STAT4: variants seen among roughly 807,000 people sequenced by gnomAD.
STAT4 encodes signal transducer and activator of transcription 4.
A neutral mutation model predicts 110.5 loss-of-function variants in STAT4; 42 were observed. The observed-to-expected ratio is 0.38, with a 90% CI of 0.30 to 0.49. The LOEUF is 0.49. Among genes scored for constraint, STAT4 ranks in the 20% least tolerant of loss-of-function variants. STAT4 has a pLI of 0.95. For missense variants in STAT4, 632 were observed against 887.9 expected, an observed-to-expected ratio of 0.71 and a Z score of 3.66; for synonymous variants, 284 against 302.2, an observed-to-expected ratio of 0.94 and a Z score of 0.63.
In STAT4 at chr2:191,135,669, T is replaced by G. The variant is rs1049321580; in HGVS notation, c.273+10944A>C. Among the ~76,000 whole-genome samples the G allele has an allele frequency of 2.0e-5, 3 of 152,166 alleles. No individual in the cohort carries two copies. The highest frequency in any genetic ancestry group is 6.5e-5 in the Admixed American group (1 of 15,274). ...TTTTAGTAGAGACAGGGTTTCACCA[T>G]GTTGGCTGCACTGGTCTCAAACTCC... is the stretch of plus-strand genomic sequence containing the variant. On this transcript the variant is annotated intron_variant, in intron 3 of 23. Transcript: ENST00000392320. The surrounding 1 kb of genome is among the most constrained non-coding windows in gnomAD (Gnocchi z 4.8).
Position 191,106,454 on chromosome 2 carries a change from G to T in STAT4, c.274-30129C>A, listed in dbSNP as rs891543681. On this transcript the variant is annotated intron_variant, in intron 3 of 23. Transcript: ENST00000392320. Reference sequence around the variant, plus strand: ...GTGAGTAGATCACCTGAGGTCAGGAGTTCGAGTCTGGCCAACATGGTGAAA... The same window carrying T: ...GTGAGTAGATCACCTGAGGTCAGGATTTCGAGTCTGGCCAACATGGTGAAA... Among the ~76,000 whole-genome samples the T allele has an allele frequency of 4.6e-5, 7 of 151,884 alleles. No individual in the cohort carries two copies. The South Asian group carries it at 1.5e-3, about 31-fold the overall frequency.
At chr2:191,149,707 T>C (rs1326165105) in intron 1 of STAT4, among the ~76,000 whole-genome samples, 2 of 152,254 alleles carry the variant, frequency 1.3e-5, no homozygotes, top group Admixed American at 6.5e-5. Flanking sequence ...TTCCATCGGA[T>C]GTGTATATAT....
intron 3 of STAT4, among the ~76,000 whole-genome samples, chr2:191,105,597 T>C (rs959348318): frequency 2.6e-5 from 4 of 152,116 alleles, no homozygotes; most frequent in African/African-American, 9.7e-5. Flanking sequence ...AGTAGAAAAA[T>C]AAAAAGCCAG....
At position 191,053,966 on chromosome 2, in the gene STAT4, A is replaced by T. The variant is rs1696601019; in HGVS notation, c.1251+524T>A. Among the ~76,000 whole-genome samples, 2 of 152,122 alleles carry T rather than the reference A, an allele frequency of 1.3e-5. No individual in the cohort carries two copies. The highest frequency in any genetic ancestry group is 6.5e-5 in the Admixed American group (1 of 15,274). ...AACATGGTGGGACTCTGTCTCTACGAAAAATACAAAAACTAGCCAGGTATG... is the reference window on the plus strand; with the variant it reads ...AACATGGTGGGACTCTGTCTCTACGTAAAATACAAAAACTAGCCAGGTATG... On this transcript the variant is annotated intron_variant, in intron 14 of 23. Coordinates refer to ENST00000392320, the MANE Select transcript of STAT4 (RefSeq NM_003151.4). This position sits in a 1 kb window ranked among gnomAD's most constrained non-coding sequence, Gnocchi z 4.5.
chr2:191,108,601 C>A (rs1698344258), intron 3 of STAT4, among the ~76,000 whole-genome samples: 1 of 152,150 alleles, frequency 6.6e-6, no homozygotes, highest in Admixed American at 6.5e-5. Flanking sequence ...GCACTTCATG[C>A]ATGCAAGTTA....
At chr2:191,131,823 G>T in intron 3 of STAT4, 1 of 1,418,156 alleles carries the variant, frequency 7.1e-7, no homozygotes, top group Non-Finnish European at 9.2e-7. Context: ...CTAAGTCCTA[G>T]GGACAAGATT....
chr2:191,109,135 G>A (rs1322629369), intron 3 of STAT4, among the ~76,000 whole-genome samples: 1 of 152,206 alleles, frequency 6.6e-6, no homozygotes, highest in Non-Finnish European at 1.5e-5. Flanking sequence ...CTGATTTCCT[G>A]TGGGTCGCAG....
At chr2:191,139,585 T>C (rs982789767) in intron 3 of STAT4, among the ~76,000 whole-genome samples, 4 of 152,178 alleles carry the variant, frequency 2.6e-5, no homozygotes, top group African/African-American at 9.7e-5. Context: ...TGCAAAATAC[T>C]GCTGAAAGAA....
intron 3 of STAT4, among the ~76,000 whole-genome samples, chr2:191,109,960 C>G (rs1698381353): frequency 6.6e-6 from 1 of 152,134 alleles, no homozygotes; most frequent in Admixed American, 6.5e-5. Flanking sequence ...TAAACAGTCC[C>G]TTAAGGCTGT....
At chr2:191,095,359 G>A (rs1175711769) in intron 3 of STAT4, among the ~76,000 whole-genome samples, 1 of 152,084 alleles carries the variant, frequency 6.6e-6, no homozygotes, top group African/African-American at 2.4e-5. Context: ...CCACATAGTT[G>A]GAAGTAAAAC....
chr2:191,047,573 C>T (rs1696384479), intron 14 of STAT4, among the ~76,000 whole-genome samples: 1 of 152,148 alleles, frequency 6.6e-6, no homozygotes, highest in Non-Finnish European at 1.5e-5. Flanking sequence ...ATTTAGGTGA[C>T]CAGAAGGGAG....
At chr2:191,131,843 G>C in intron 3 of STAT4, 1 of 1,451,142 alleles carries the variant, frequency 6.9e-7, no homozygotes, top group Non-Finnish European at 9.1e-7. Context: ...TTGGACCTTT[G>C]AATGCAGGTT....
intron 3 of STAT4, among the ~76,000 whole-genome samples, chr2:191,141,492 G>T (rs190609963): frequency 1.1e-5 from 1 of 88,974 alleles, no homozygotes; most frequent in African/African-American, 4.1e-5. Context: ...ATATACATAT[G>T]TATATCACAT....
In STAT4 at chr2:191,058,261, G is replaced by T. The variant is rs1368235707; in HGVS notation, c.1095-42C>A. On this transcript the variant is annotated intron_variant, in intron 11 of 23. Coordinates refer to ENST00000392320, the MANE Select transcript of STAT4 (RefSeq NM_003151.4). This position sits in a 1 kb window ranked among gnomAD's most constrained non-coding sequence, Gnocchi z 4.3. ...ATTCTTTAAAACAAGCTATTTAATAGATCTAGGAATAACTTTCTATGATAG... is the reference window on the plus strand; with the variant it reads ...ATTCTTTAAAACAAGCTATTTAATATATCTAGGAATAACTTTCTATGATAG... 10 of 1,534,956 alleles carry T rather than the reference G, an allele frequency of 6.5e-6. No homozygotes were observed. Among genetic ancestry groups the T allele is most frequent in the South Asian group, 1.1e-5 (1 of 87,738 alleles).
At chr2:191,101,032 G>A (rs917796144) in intron 3 of STAT4, among the ~76,000 whole-genome samples, 6 of 151,718 alleles carry the variant, frequency 4.0e-5, no homozygotes, top group African/African-American at 1.5e-4. Flanking sequence ...TTTGATTTCC[G>A]CTCCTGTCAA....
intron 18 of STAT4, among the ~76,000 whole-genome samples, chr2:191,034,249 C>T (rs1464023211): frequency 1.3e-5 from 2 of 151,888 alleles, no homozygotes; most frequent in African/African-American, 2.4e-5. Flanking sequence ...GGTGAAACCC[C>T]ACCTCTACTA....
In STAT4 at chr2:191,031,587, G is replaced by C; in HGVS notation, c.2045-71C>G. 7.8e-7 allele frequency: 1 copy of C among 1,275,092 alleles called. No individual in the cohort carries two copies. Among genetic ancestry groups the C allele is most frequent in the Non-Finnish European group, 1.1e-6 (1 of 892,890 alleles). The allele number at this position is 1,275,092 out of a possible 1,614,324, so 79.0% of individuals were successfully genotyped here. A position where few individuals can be genotyped will look rare whatever the true frequency, so the allele number is the denominator to read the frequency against. ...TATCAATAAAACTGGGGAAAAAAGA[G>C]TCTAGAAAAATATTAACAATGATAA... is the stretch of plus-strand genomic sequence containing the variant. On this transcript the variant is annotated intron_variant, in intron 21 of 23. Transcript: ENST00000392320. The surrounding 1 kb of genome is among the most constrained non-coding windows in gnomAD (Gnocchi z 4.8).
rs59208460 is a variant in STAT4, at chr2:191,062,542, T to C, written c.941+220A>G. ...TGAGCTGTAGGTGAATGACATGACT[T>C]AGCTTGTGGAAAACTGAGCCAGTTG... On this transcript the variant is annotated intron_variant, in intron 9 of 23. Transcript: ENST00000392320. The surrounding 1 kb of genome is among the most constrained non-coding windows in gnomAD (Gnocchi z 4.9). 1.5e-3 allele frequency among the ~76,000 whole-genome samples: 234 copies of C among 152,320 alleles called. No homozygotes were observed. Among genetic ancestry groups the C allele is most frequent in the African/African-American group, 5.4e-3 (226 of 41,564 alleles).
At chr2:191,115,372 G>T (rs1698544324) in intron 3 of STAT4, among the ~76,000 whole-genome samples, 1 of 152,200 alleles carries the variant, frequency 6.6e-6, no homozygotes, top group Admixed American at 6.5e-5. Flanking sequence ...TTCTTTGGAG[G>T]TTAGGAATGG....
Sources: gnomAD v4.1 joint callset for allele counts (sites outside exome capture counted in the v4.1 genomes callset) on GRCh38, gnomAD v4.1.1 for gene constraint, Gnocchi (gnomAD v3.1) non-coding constraint, MANE v1.5 for transcripts, NCBI Gene and HGNC (gene_info 2026-07-23, HGNC 2026-07-21) for gene names.